The following PIGG variants were observed in gnomAD, a reference collection of about 807,000 sequenced individuals.
PIGG encodes GPI ethanolamine phosphate transferase 2, catalytic subunit.
Under a neutral mutation model 83.2 loss-of-function variants are expected in PIGG, and 70 were observed. The ratio of observed to expected loss-of-function variants is 0.84; its 90% confidence interval spans 0.69 to 1.03. The LOEUF (loss-of-function observed/expected upper bound fraction) is 1.03. Ranked by LOEUF, PIGG falls within the 50% of genes least tolerant of loss-of-function variation. The probability of loss-of-function intolerance (pLI) is 0.00; values close to 1 mark genes in which losing one functional copy is unlikely to be tolerated. For missense variants in PIGG, 1,257 were observed against 1,233.6 expected, an observed-to-expected ratio of 1.02 and a Z score of -0.28; for synonymous variants, 532 against 519.5, an observed-to-expected ratio of 1.02 and a Z score of -0.33.
chr4:499,335 G>T lies in PIGG; in HGVS notation c.-1G>T, dbSNP rs782195633. ...TCCGCATCCAGCCTAGCGTGTCCAC[G>T]ATGCGGCTGGGCTCCGGGACTTTCG... On this transcript the variant is annotated 5_prime_UTR_variant, in exon 1 of 13. Coordinates refer to ENST00000453061, the MANE Select transcript of PIGG (RefSeq NM_001127178.3). The T allele has an allele frequency of 1.2e-6, 2 of 1,607,156 alleles. No homozygotes were observed. Among genetic ancestry groups the T allele is most frequent in the East Asian group, 2.2e-5 (1 of 44,848 alleles).
chr4:521,168 C>T lies in PIGG; in HGVS notation c.1227C>T (p.Leu409=), dbSNP rs202149146. 6.2e-7 allele frequency: 1 copy of T among 1,613,962 alleles called. No homozygotes were observed. The part of the protein sequence containing the change: ...EVLFNLGSKV[L]RQYLDALKTL... ...TATTCAACCTGGGCTCCAAGGTTCTCAGGCAGTACCTGGATGCTCTGAAGA... is the reference window on the plus strand; with the variant it reads ...TATTCAACCTGGGCTCCAAGGTTCTTAGGCAGTACCTGGATGCTCTGAAGA... The change falls in exon 7 of 13, where the codon CTC becomes CTT. Residue 409 remains leucine, a synonymous_variant. Transcript: ENST00000453061.
chr4:519,426 G>T (rs1443432438), intron 6 of PIGG, among the ~76,000 whole-genome samples: 1 of 152,220 alleles, frequency 6.6e-6, no homozygotes, highest in African/African-American at 2.4e-5. Flanking sequence ...GTGGACACAG[G>T]CGTCCCCCCA....
rs1474849841 is a variant in PIGG at position 521,091 on chromosome 4, T to G, written c.1150T>G (p.Leu384Val). ...TGAGCAGTTTAAAATGTCAGAAAGA[T>G]TGCATGGGAACTGGATCAGACTGTA... ...GFEQFKMSER[L>V]HGNWIRLYLE... Residue 384 changes from leucine (L) to valine (V), a missense_variant, in exon 7 of 13, where the codon TTG becomes GTG. By Grantham distance (32) the Leu-to-Val change is conservative (BLOSUM62 1). Transcript: ENST00000453061. 1.2e-6 allele frequency: 2 copies of G among 1,614,166 alleles called. No homozygotes were observed. Among genetic ancestry groups the G allele is most frequent in the East Asian group, 4.5e-5 (2 of 44,890 alleles).
At chr4:517,752 G>A (rs1410406937) in intron 6 of PIGG, among the ~76,000 whole-genome samples, 1 of 152,168 alleles carries the variant, frequency 6.6e-6, no homozygotes, top group Non-Finnish European at 1.5e-5. Flanking sequence ...GCCTGAGGCA[G>A]GTGTGGGGCC....
intron 2 of PIGG, among the ~76,000 whole-genome samples, chr4:505,179 T>C (rs1553878068): frequency 2.0e-5 from 3 of 152,154 alleles, no homozygotes; most frequent in Non-Finnish European, 4.4e-5. Context: ...CTCTGGCTGT[T>C]GCCGTCGTCT....
In PIGG at chr4:539,383, C is replaced by T. The variant is rs779001075; in HGVS notation, c.*14C>T. The T allele has an allele frequency of 1.4e-6, 2 of 1,473,812 alleles. No individual in the cohort carries two copies. The highest frequency in any genetic ancestry group is 1.9e-6 in the Non-Finnish European group (2 of 1,058,962). The allele number at this position is 1,473,812 out of a possible 1,614,324, so 91.3% of individuals were successfully genotyped here. A position where few individuals can be genotyped will look rare whatever the true frequency, so the allele number is the denominator to read the frequency against. On this transcript the variant is annotated 3_prime_UTR_variant, in exon 13 of 13. Transcript: ENST00000453061. ...ACACAGTCTTAGACTAAGCTGAACA[C>T]TGGAAAAATAATACATGCTTAAAGT... is the stretch of plus-strand genomic sequence containing the variant.
chr4:539,155 G>T lies in PIGG; in HGVS notation c.2738G>T (p.Gly913Val), dbSNP rs1479137113. 2.5e-6 allele frequency: 4 copies of T among 1,601,904 alleles called. No homozygotes were observed. Among genetic ancestry groups the T allele is most frequent in the Admixed American group, 1.7e-5 (1 of 60,006 alleles). ...VHFLSSETRSGSALSHACFCY... is the reference protein window; with the variant it reads ...VHFLSSETRSVSALSHACFCY... Reference sequence around the variant, plus strand: ...CACATTTTCTTTCTTATTAACAGTGGTTCAGCACTGAGTCATGCTTGCTTC... The same window carrying T: ...CACATTTTCTTTCTTATTAACAGTGTTTCAGCACTGAGTCATGCTTGCTTC... Residue 913 changes from glycine to valine, a missense_variant and splice_region_variant, in exon 13 of 13, where the codon GGT (glycine) becomes GTT (valine). Gly to Val is a moderately radical substitution (Grantham distance 109). Transcript: ENST00000453061.
At position 527,146 on chromosome 4, in the gene PIGG, TG is replaced by T; in HGVS notation, c.2181del (p.Leu728CysfsTer65). 6.2e-7 allele frequency: 1 copy of T among 1,614,030 alleles called. No homozygotes were observed. Reference sequence around the variant, plus strand: ...CCTGTGTCCAAGGCTGCCCTGGCGCTGGGGCTGCTGGGCGTCTACTGCTACC... The same window carrying T: ...CCTGTGTCCAAGGCTGCCCTGGCGCTGGGCTGCTGGGCGTCTACTGCTACC... The part of the protein sequence containing the change: ...CSPVSKAALA[L>X]GLLGVYCYRA... On this transcript the variant is annotated frameshift_variant, in exon 10 of 13. Transcript: ENST00000453061. LOFTEE classifies it high-confidence loss of function.
In PIGG at chr4:505,748, G is replaced by A. The variant is rs1424231448; in HGVS notation, c.391G>A (p.Val131Ile). The A allele has an allele frequency of 6.2e-7, 1 of 1,613,192 alleles. No individual in the cohort carries two copies. The highest frequency in any genetic ancestry group is 1.3e-5 in the African/African-American group (1 of 74,726). ...ALMTGSLPGFVDVIRNLNSPA... is the reference protein window; with the variant it reads ...ALMTGSLPGFIDVIRNLNSPA... The stretch of plus-strand genomic sequence containing the variant: ...GATGACGGGGAGCCTTCCTGGCTTT[G>A]TCGACGTCATCAGGAACCTCAATTC... The change falls in exon 3 of 13, where the codon GTC becomes ATC. Residue 131 changes from valine (V) to isoleucine (I), a missense_variant. Transcript: ENST00000453061.
chr4:534,445 C>T (rs1454624457), intron 12 of PIGG, among the ~76,000 whole-genome samples: 1 of 151,114 alleles, frequency 6.6e-6, no homozygotes, highest in African/African-American at 2.5e-5. Context: ...TGGCCAGGGC[C>T]GTGGCTCTTC....
At position 507,187 on chromosome 4, in the gene PIGG, G is replaced by A. The variant is rs112270986; in HGVS notation, c.571-218G>A. Among the ~76,000 whole-genome samples the A allele has an allele frequency of 6.5e-4, 99 of 152,230 alleles. 3 individuals carry two copies. Among genetic ancestry groups the A allele is most frequent in the African/African-American group, 1.9e-3 (79 of 41,548 alleles). ...ACTCTTGGCCTCAAGCAGTCTTCCC[G>A]CTTCAGCCTCCTCAAGTGTTGAGAT... On this transcript the variant is annotated intron_variant, in intron 3 of 12. Coordinates refer to ENST00000453061, the MANE Select transcript of PIGG (RefSeq NM_001127178.3).
intron 6 of PIGG, among the ~76,000 whole-genome samples, chr4:519,383 A>T (rs1355367447): frequency 6.6e-6 from 1 of 152,194 alleles, no homozygotes; most frequent in Non-Finnish European, 1.5e-5. Context: ...GTGCACCCCC[A>T]TAGCTTTGTG....
Position 500,412 on chromosome 4 carries a change from G to T in PIGG, c.171G>T (p.Trp57Cys), listed in dbSNP as rs1553874971. ...PEPSAGASSN[W>C]TTLPPPLFSK... ...AACACTTAGGAGCCAGTTCTAACTGGACCACGCTGCCACCACCTCTCTTCA... is the reference window on the plus strand; with the variant it reads ...AACACTTAGGAGCCAGTTCTAACTGTACCACGCTGCCACCACCTCTCTTCA... Residue 57 changes from tryptophan to cysteine, a missense_variant, in exon 2 of 13, where the codon TGG (tryptophan) becomes TGT (cysteine). By Grantham distance (215) the Trp-to-Cys change is radical. Transcript: ENST00000453061. The T allele has an allele frequency of 6.2e-7, 1 of 1,613,598 alleles. No homozygotes were observed. Among genetic ancestry groups the T allele is most frequent in the Non-Finnish European group, 8.5e-7 (1 of 1,179,658 alleles).
rs1728850363 is a variant in PIGG, at chr4:530,748, A to G, written c.2571+3A>G. ...GTCAAGCATTCTTCTATTTTCAGGT[A>G]GGTTTTCATTATTATCATGGGTAGT... On this transcript the variant is annotated splice_donor_region_variant and intron_variant, in intron 11 of 12. Transcript: ENST00000453061. 1.9e-6 allele frequency: 3 copies of G among 1,590,044 alleles called. No homozygotes were observed. Among genetic ancestry groups the G allele is most frequent in the South Asian group, 2.2e-5 (2 of 89,786 alleles).
At chr4:524,252 C>T (rs913337583) in intron 9 of PIGG, among the ~76,000 whole-genome samples, 1 of 152,210 alleles carries the variant, frequency 6.6e-6, no homozygotes, top group African/African-American at 2.4e-5. Flanking sequence ...CTGGACGCCT[C>T]GTCCATGCCT....
At position 507,571 on chromosome 4, in the gene PIGG, T is replaced by C; in HGVS notation, c.737T>C (p.Ile246Thr). The C allele has an allele frequency of 6.2e-7, 1 of 1,613,588 alleles. No individual in the cohort carries two copies. Among genetic ancestry groups the C allele is most frequent in the Non-Finnish European group, 8.5e-7 (1 of 1,179,852 alleles). The change falls in exon 4 of 13, where the codon ATC becomes ACC. Residue 246 changes from isoleucine to threonine, a missense_variant. Transcript: ENST00000453061. ...GAGATGGACAGCGTGCTGATGAAGA[T>C]CCACACCTCACTGCAGTCGAAGGTG... is the stretch of plus-strand genomic sequence containing the variant. Reference protein sequence around the residue: ...LSEMDSVLMKIHTSLQSKERE... With the variant: ...LSEMDSVLMKTHTSLQSKERE...
At chr4:524,479 A>C (rs1727018956) in intron 9 of PIGG, 1 of 152,676 alleles carries the variant, frequency 6.5e-6, no homozygotes. Context: ...AGGAGCCAGC[A>C]CTTCACGTGG....
At position 527,171 on chromosome 4, in the gene PIGG, C is replaced by A; in HGVS notation, c.2202C>A (p.Tyr734Ter). 1 of 1,613,650 alleles carries A rather than the reference C, an allele frequency of 6.2e-7. No homozygotes were observed. The highest frequency in any genetic ancestry group is 8.5e-7 in the Non-Finnish European group (1 of 1,179,874). ...LALGLLGVYC[Y>*]RAAIGSVRFP... ...TGGGGCTGCTGGGCGTCTACTGCTA[C>A]CGGGCGGCCATCGGGAGTGTCCGGT... The change falls in exon 10 of 13, where the codon TAC (tyrosine) becomes TAA (stop). Residue 734 changes from tyrosine (Y) to a stop codon, truncating the protein, a stop_gained. Transcript: ENST00000453061. LOFTEE classifies it high-confidence loss of function.
rs1723650528 is a variant in PIGG at position 515,849 on chromosome 4, G to C, written c.902-124G>C. The C allele has an allele frequency of 1.3e-6, 1 of 747,442 alleles. No homozygotes were observed. The highest frequency in any genetic ancestry group is 2.1e-5 in the Admixed American group (1 of 48,712). 46.3% of individuals were successfully genotyped at this position (747,442 alleles called of 1,614,324 possible). A position where few individuals can be genotyped will look rare whatever the true frequency, so the allele number is the denominator to read the frequency against. On this transcript the variant is annotated intron_variant, in intron 5 of 12. Transcript: ENST00000453061. This position sits in a 1 kb window ranked among gnomAD's most constrained non-coding sequence, Gnocchi z 4.2. The stretch of plus-strand genomic sequence containing the variant: ...CAGGAGGTGATTCCTGTACGATTCT[G>C]TGTTGAGTGGTGTGAAGAGACGGAT...
Sources: allele counts gnomAD v4.1 joint callset (sites outside exome capture counted in the v4.1 genomes callset), GRCh38; gene constraint gnomAD v4.1.1; non-coding constraint Gnocchi (gnomAD v3.1); transcripts MANE v1.5; gene names NCBI Gene and HGNC (gene_info 2026-07-23, HGNC 2026-07-21).